Variants in ERN2 observed in about 807,000 individuals in gnomAD.
ERN2 encodes serine/threonine-protein kinase/endoribonuclease IRE2.
Under a neutral mutation model 107.9 loss-of-function variants are expected in ERN2, and 111 were observed. The ratio of observed to expected loss-of-function variants is 1.03; its 90% confidence interval spans 0.88 to 1.20. The LOEUF is 1.20. ERN2 is among the 50% of genes most tolerant of loss of function. The pLI is 0.00. For missense variants in ERN2, 1,225 were observed against 1,197.9 expected (o/e 1.02, Z -0.33); for synonymous variants, 524 against 501.7 (o/e 1.04, Z -0.59).
At chr16:23,703,034 A>G (rs1960153370) in intron 8 of ERN2, among the ~76,000 whole-genome samples, 1 of 151,946 alleles carries the variant, frequency 6.6e-6, no homozygotes, top group Non-Finnish European at 1.5e-5. Flanking sequence ...AGGCCATCCT[A>G]GATTCTCCAG....
rs1414541076 is a variant in ERN2 at position 23,690,834 on chromosome 16, C to G, written c.2778G>C (p.Arg926Ser). 6.2e-7 allele frequency: 1 copy of G among 1,609,638 alleles called. No individual in the cohort carries two copies. Among genetic ancestry groups the G allele is most frequent in the Admixed American group, 1.7e-5 (1 of 60,016 alleles). ...ARRPCPGATG[R>S] The stretch of plus-strand genomic sequence containing the variant: ...TCTGTGTGGCATCCAGCCCACCTCA[C>G]CTCCCTGTGGCCCCAGGGCATGGCC... Residue 926 changes from arginine (R) to serine (S), a missense_variant, in exon 22 of 22, where the codon AGG becomes AGC. By Grantham distance (110) the Arg-to-Ser change is moderately radical. Transcript: ENST00000256797.
chr16:23,707,602 C>A (rs1169608678), intron 4 of ERN2, among the ~76,000 whole-genome samples: 2 of 152,116 alleles, frequency 1.3e-5, no homozygotes, highest in Non-Finnish European at 2.9e-5. Flanking sequence ...GTAGTCCCAG[C>A]TACTTGTGAG....
Position 23,694,924 on chromosome 16 carries a change from T to C in ERN2, c.1904A>G (p.His635Arg). The change falls in exon 17 of 22, where the codon CAC (histidine) becomes CGC (arginine). Residue 635 changes from histidine (H) to arginine (R), a missense_variant. By Grantham distance (29) the His-to-Arg change is conservative. Transcript: ENST00000256797. ...AATATTTCCTGGCTTCAGGTCCCGG[T>C]GCACTGTGGGAGAGGGGCAGAAAGA... ...LAHLHSLHIV[H>R]RDLKPGNILI... The C allele has an allele frequency of 6.2e-7, 1 of 1,614,090 alleles. No individual in the cohort carries two copies. Among genetic ancestry groups the C allele is most frequent in the Non-Finnish European group, 8.5e-7 (1 of 1,179,994 alleles).
Position 23,695,874 on chromosome 16 carries a change from G to C in ERN2, c.1610+20C>G, listed in dbSNP as rs755438673. The C allele has an allele frequency of 1.2e-6, 2 of 1,604,280 alleles. No individual in the cohort carries two copies. Among genetic ancestry groups the C allele is most frequent in the Non-Finnish European group, 8.5e-7 (1 of 1,171,560 alleles). On this transcript the variant is annotated intron_variant, in intron 14 of 21. Transcript: ENST00000256797. ...GCTGTGAGTGCCATGTCCCCAGCTT[G>C]GCTCCTGGCTGCCACTCACCGGAAA...
rs766775103 is a variant in ERN2 at position 23,704,873 on chromosome 16, G to A, written c.854+10C>T. Reference sequence around the variant, plus strand: ...GGCTCCCTCCCTGGGCCCCAGGCACGAACACCTACAGCAGCTGGGTGTCCA... The same window carrying A: ...GGCTCCCTCCCTGGGCCCCAGGCACAAACACCTACAGCAGCTGGGTGTCCA... On this transcript the variant is annotated intron_variant, in intron 8 of 21. Coordinates refer to ENST00000256797, the MANE Select transcript of ERN2 (RefSeq NM_033266.4). 3.1e-5 allele frequency: 50 copies of A among 1,603,348 alleles called. No individual in the cohort carries two copies. The highest frequency in any genetic ancestry group is 4.0e-5 in the Non-Finnish European group (47 of 1,178,050).
chr16:23,701,823 A>G (rs538653293), intron 11 of ERN2, among the ~76,000 whole-genome samples: 1 of 151,934 alleles, frequency 6.6e-6, no homozygotes, highest in East Asian at 1.9e-4. Context: ...TTTTGTAGAG[A>G]TGGGGTCTTG....
At position 23,695,185 on chromosome 16, in the gene ERN2, C is replaced by T. The variant is rs751335931; in HGVS notation, c.1800+15G>A. On this transcript the variant is annotated intron_variant, in intron 15 of 21. Transcript: ENST00000256797. ...ACCTTCCCACTCACCCTCCCTGAACCGCAATGCAACTCACCTCCTGCAAGG... is the reference window on the plus strand; with the variant it reads ...ACCTTCCCACTCACCCTCCCTGAACTGCAATGCAACTCACCTCCTGCAAGG... 2 of 1,613,878 alleles carry T rather than the reference C, an allele frequency of 1.2e-6. No individual in the cohort carries two copies. Among genetic ancestry groups the T allele is most frequent in the South Asian group, 1.1e-5 (1 of 91,076 alleles).
intron 4 of ERN2, 184 bp downstream of exon 4, chr16:23,709,988 G>A: frequency 1.7e-6 from 1 of 584,874 alleles, no homozygotes; most frequent in South Asian, 2.0e-5. Flanking sequence ...TGCAGACACA[G>A]CCAGACCTCC....
At chr16:23,707,899 T>C (rs114355232) in intron 4 of ERN2, among the ~76,000 whole-genome samples, 2,440 of 151,984 alleles carry the variant, frequency 0.016, 63 homozygotes, top group African/African-American at 0.056. Flanking sequence ...TGGCTAGGAG[T>C]GGAGCTCCAT....
intron 17 of ERN2, 140 bp from the exon 18 acceptor site, chr16:23,692,471 T>G (rs1597140659): frequency 1.2e-6 from 1 of 822,904 alleles, no homozygotes; most frequent in African/African-American, 1.7e-5. Context: ...CAGCATCTCC[T>G]TGGCTCTAGA....
chr16:23,706,577 T>C (rs1960324239), intron 6 of ERN2, 146 bp from the exon 7 acceptor site: 2 of 746,726 alleles, frequency 2.7e-6, no homozygotes, highest in Non-Finnish European at 4.5e-6. Flanking sequence ...TGGCAGAGAC[T>C]GGAGCTGTCT....
rs773090968 is a variant in ERN2 at position 23,705,037 on chromosome 16, T to C, written c.700A>G (p.Thr234Ala). The C allele has an allele frequency of 6.2e-7, 1 of 1,613,682 alleles. No homozygotes were observed. The highest frequency in any genetic ancestry group is 1.3e-5 in the African/African-American group (1 of 74,894). ...DLGVPVMGVY[T>A]WHQDGLRQLP... ...TGGCGCAGGCCGTCCTGGTGCCAGGTGTAGACGCCCATCACAGGCACGCCC... is the reference window on the plus strand; with the variant it reads ...TGGCGCAGGCCGTCCTGGTGCCAGGCGTAGACGCCCATCACAGGCACGCCC... The change falls in exon 8 of 22, where the codon ACC (threonine) becomes GCC (alanine). Residue 234 changes from threonine (T) to alanine (A), a missense_variant. Thr to Ala is a moderately conservative substitution (Grantham distance 58). Transcript: ENST00000256797.
At chr16:23,692,374 C>A in intron 17 of ERN2, 43 bp from the exon 18 acceptor site, 1 of 1,600,658 alleles carries the variant, frequency 6.2e-7, no homozygotes, top group Non-Finnish European at 8.5e-7. Context: ...TCTCTGCTTC[C>A]AGGAAGTCAG....
chr16:23,699,322 A>T (rs1959954607), intron 13 of ERN2, among the ~76,000 whole-genome samples: 1 of 152,194 alleles, frequency 6.6e-6, no homozygotes, highest in Non-Finnish European at 1.5e-5. Context: ...CCAAGGTATG[A>T]GGAAGTGGCT....
intron 1 of ERN2, among the ~76,000 whole-genome samples, chr16:23,711,635 A>C (rs192346869): frequency 6.6e-6 from 1 of 152,232 alleles, no homozygotes; most frequent in Admixed American, 6.5e-5. Flanking sequence ...TGGGATTACA[A>C]GCATGAGCCA....
intron 17 of ERN2, among the ~76,000 whole-genome samples, chr16:23,693,382 G>A (rs1276106232): frequency 6.6e-6 from 1 of 151,992 alleles, no homozygotes; most frequent in Non-Finnish European, 1.5e-5. Flanking sequence ...AGGGCTGGGA[G>A]TTCGAGACCA....
intron 11 of ERN2, among the ~76,000 whole-genome samples, chr16:23,701,581 C>A (rs942682657): frequency 5.3e-5 from 8 of 151,532 alleles, no homozygotes; most frequent in Non-Finnish European, 1.2e-4. Context: ...ACAATTTTTA[C>A]GCTGAAGAAG....
rs753568113 is a variant in ERN2 at position 23,713,110 on chromosome 16, C to T, written c.78G>A (p.Gly26=). 3.8e-6 allele frequency: 6 copies of T among 1,577,622 alleles called. No individual in the cohort carries two copies. The highest frequency in any genetic ancestry group is 5.1e-6 in the Non-Finnish European group (6 of 1,167,600). Residue 26 remains glycine (G), a synonymous_variant, in exon 1 of 22, where the codon GGG becomes GGA. Transcript: ENST00000256797. ...LQLQFAALLL[G]TLSPQVHTLR... The stretch of plus-strand genomic sequence containing the variant: ...TGGCTCTCACCTGTGGACTCAGCGT[C>T]CCGAGCAGCAGCGCCGCGAACTGGA...
intron 7 of ERN2, chr16:23,706,128 T>C (rs1960296392): frequency 2.0e-6 from 1 of 508,772 alleles, no homozygotes; most frequent in Admixed American, 3.7e-5. Context: ...GTTGAGGGAT[T>C]GGCCAGGGTT....
Sources: allele counts gnomAD v4.1 joint callset (sites outside exome capture counted in the v4.1 genomes callset), GRCh38; gene constraint gnomAD v4.1.1; transcripts MANE v1.5; gene names NCBI Gene and HGNC (gene_info 2026-07-23, HGNC 2026-07-21).